The following PVT1 variants were observed in gnomAD, a reference collection of about 807,000 sequenced individuals.
The protein encoded by PVT1 is Pvt1 oncogene.
intron 2 of PVT1, among the ~76,000 whole-genome samples, chr8:127,839,315 G>A (rs1035987892): frequency 3.3e-5 from 5 of 152,036 alleles, no homozygotes; most frequent in African/African-American, 1.2e-4. Flanking sequence ...GGGAGTCCAA[G>A]GGGAATAGGA....
intron 2 of PVT1, among the ~76,000 whole-genome samples, chr8:127,852,557 T>G (rs991572316): frequency 6.6e-6 from 1 of 152,234 alleles, no homozygotes; most frequent in Non-Finnish European, 1.5e-5. Context: ...TAGGAGATTT[T>G]AACAGTATCT....
chr8:127,951,770 C>A (rs1030359105), intron 3 of PVT1, among the ~76,000 whole-genome samples: 1 of 152,044 alleles, frequency 6.6e-6, no homozygotes, highest in African/African-American at 2.4e-5. Context: ...CCAAAGCCTC[C>A]CTTCTTTCCA....
At chr8:128,015,126 G>A (rs1245731591) in intron 4 of PVT1, among the ~76,000 whole-genome samples, 3 of 151,664 alleles carry the variant, frequency 2.0e-5, no homozygotes, top group Non-Finnish European at 4.4e-5. Flanking sequence ...GTTTCACTCT[G>A]TTGCCCAGGC....
At chr8:127,913,099 C>T (rs1271978353) in intron 3 of PVT1, among the ~76,000 whole-genome samples, 1 of 152,176 alleles carries the variant, frequency 6.6e-6, no homozygotes, top group Admixed American at 6.5e-5. Flanking sequence ...ATCCGCTTGC[C>T]TCGGCCTCCC....
At chr8:127,927,776 C>A (rs538599715) in intron 3 of PVT1, among the ~76,000 whole-genome samples, 237 of 152,266 alleles carry the variant, frequency 1.6e-3, no homozygotes, top group Non-Finnish European at 2.9e-3. Context: ...CACTTGTGCC[C>A]GCTGCAGGTG....
chr8:127,821,598 C>T (rs951746673), intron 2 of PVT1, among the ~76,000 whole-genome samples: 1 of 151,830 alleles, frequency 6.6e-6, no homozygotes, highest in Admixed American at 6.6e-5. Context: ...ATCACGAGGT[C>T]AGAAGATCGA....
intron 2 of PVT1, among the ~76,000 whole-genome samples, chr8:127,831,102 CGTGTGTGT>C (rs536737625): frequency 6.8e-6 from 1 of 147,678 alleles, no homozygotes; most frequent in Admixed American, 6.8e-5. Context: ...TATATACATA[CGTGTGTGT>C]GTGTATGTAT....
chr8:127,889,321 G>A (rs1399245582), intron 2 of PVT1, among the ~76,000 whole-genome samples: 1 of 151,902 alleles, frequency 6.6e-6, no homozygotes, highest in South Asian at 2.1e-4. Context: ...GTAGAGACAG[G>A]GTTTCACCAT....
At chr8:127,972,856 G>T (rs1391401520) in intron 3 of PVT1, among the ~76,000 whole-genome samples, 1 of 152,160 alleles carries the variant, frequency 6.6e-6, no homozygotes, top group African/African-American at 2.4e-5. Flanking sequence ...AAGCTCCCAG[G>T]TGATCCTAAT....
chr8:127,938,869 T>A (rs1383781531), intron 3 of PVT1, among the ~76,000 whole-genome samples: 1 of 152,194 alleles, frequency 6.6e-6, no homozygotes, highest in East Asian at 1.9e-4. Context: ...ACAGGGAAGT[T>A]GGTTGAGCGT....
chr8:127,901,627 G>T (rs538812114), intron 3 of PVT1, among the ~76,000 whole-genome samples: 5 of 152,164 alleles, frequency 3.3e-5, no homozygotes, highest in African/African-American at 1.2e-4. Context: ...GCCTAGGCTG[G>T]TCTCAAACTT....
At chr8:127,929,999 C>T (rs567476360) in intron 3 of PVT1, among the ~76,000 whole-genome samples, 3 of 152,160 alleles carry the variant, frequency 2.0e-5, no homozygotes, top group Non-Finnish European at 4.4e-5. Context: ...TAGAAAAATA[C>T]ACATGGAAGT....
chr8:127,944,994 T>C (rs369045433), intron 3 of PVT1, among the ~76,000 whole-genome samples: 3 of 152,240 alleles, frequency 2.0e-5, no homozygotes, highest in East Asian at 1.9e-4. Context: ...TCTTTTTTCA[T>C]ATGTGAATTC....
intron 4 of PVT1, among the ~76,000 whole-genome samples, chr8:128,023,194 C>G (rs1403249184): frequency 2.0e-5 from 3 of 152,178 alleles, no homozygotes; most frequent in African/African-American, 7.2e-5. Context: ...AATACTGTTT[C>G]CATTTCCACT....
intron 4 of PVT1, among the ~76,000 whole-genome samples, chr8:128,026,792 A>T (rs140077687): frequency 7.9e-5 from 12 of 152,326 alleles, no homozygotes; most frequent in African/African-American, 2.9e-4. Flanking sequence ...TGTAGTGTGC[A>T]AAGAAAGACC....
intron 2 of PVT1, among the ~76,000 whole-genome samples, chr8:127,872,790 C>T (rs1351493828): frequency 6.6e-6 from 1 of 152,176 alleles, no homozygotes; most frequent in East Asian, 1.9e-4. Flanking sequence ...TTGCCACTGT[C>T]AAAGGCCATC....
At chr8:127,832,782 C>G (rs1006002624) in intron 2 of PVT1, among the ~76,000 whole-genome samples, 1 of 151,912 alleles carries the variant, frequency 6.6e-6, no homozygotes, top group Admixed American at 6.6e-5. Context: ...GGTGTGAACC[C>G]GGGAGGCGGA....
intron 4 of PVT1, among the ~76,000 whole-genome samples, chr8:128,018,040 G>T (rs1463301010): frequency 6.6e-6 from 1 of 152,116 alleles, no homozygotes; most frequent in Non-Finnish European, 1.5e-5. Flanking sequence ...CAAAAATATT[G>T]GCTGCAGTGT....
At chr8:127,816,964 T>C (rs1057334820) in intron 2 of PVT1, among the ~76,000 whole-genome samples, 17 of 152,208 alleles carry the variant, frequency 1.1e-4, no homozygotes, top group African/African-American at 4.1e-4. Flanking sequence ...TGACCACAGT[T>C]GATTGATCTG....
Sources: gnomAD v4.1 joint callset for allele counts (sites outside exome capture counted in the v4.1 genomes callset) on GRCh38, gnomAD v4.1.1 for gene constraint, MANE v1.5 for transcripts, NCBI Gene and HGNC (gene_info 2026-07-23, HGNC 2026-07-21) for gene names.